Variants in TCF7L1 observed in about 807,000 individuals in gnomAD.
TCF7L1 encodes the protein transcription factor 7 like 1, also known as transcription factor 7-like 1.
Under a neutral mutation model 63.7 loss-of-function variants are expected in TCF7L1, and 18 were observed. The ratio of observed to expected loss-of-function variants is 0.28; its 90% CI spans 0.20 to 0.42. The LOEUF is 0.42. TCF7L1 is among the 10% of genes least tolerant of loss of function. The pLI, the probability that TCF7L1 is intolerant of heterozygous loss-of-function variation, is 1.00. For synonymous variants in TCF7L1, 355 were observed against 340.9 expected, an observed-to-expected ratio of 1.04 and a Z score of -0.46; for missense variants, 654 against 779.3, an observed-to-expected ratio of 0.84 and a Z score of 1.91.
chr2:85,295,520 A>C (rs1288148638), intron 4 of TCF7L1, among the ~76,000 whole-genome samples: 1 of 151,610 alleles, frequency 6.6e-6, no homozygotes, highest in Non-Finnish European at 1.5e-5. Flanking sequence ...TATTATTTTA[A>C]CTCCCAGAAA....
At chr2:85,170,821 G>A (rs1467857716) in intron 3 of TCF7L1, among the ~76,000 whole-genome samples, 1 of 152,120 alleles carries the variant, frequency 6.6e-6, no homozygotes, top group African/African-American at 2.4e-5. Context: ...GCCATTCCCC[G>A]ACTGGAACCA....
intron 3 of TCF7L1, among the ~76,000 whole-genome samples, chr2:85,249,946 T>C (rs956180270): frequency 2.0e-5 from 3 of 152,214 alleles, no homozygotes; most frequent in Admixed American, 1.3e-4. Flanking sequence ...GAGTTTGCAG[T>C]GTAAAGACAT....
chr2:85,241,019 G>A (rs1680308577), intron 3 of TCF7L1, among the ~76,000 whole-genome samples: 1 of 152,160 alleles, frequency 6.6e-6, no homozygotes, highest in Non-Finnish European at 1.5e-5. Context: ...AGGAAATGGA[G>A]AAAGGAAGGA....
intron 6 of TCF7L1, 68 bp from the exon 7 acceptor site, chr2:85,304,187 C>T: frequency 6.7e-7 from 1 of 1,499,380 alleles, no homozygotes; most frequent in East Asian, 2.3e-5. Context: ...ATCCCTTCTT[C>T]CCAAGTGCCT....
chr2:85,260,407 C>A (rs1019525853), intron 3 of TCF7L1, among the ~76,000 whole-genome samples: 1 of 151,676 alleles, frequency 6.6e-6, no homozygotes, highest in Non-Finnish European at 1.5e-5. Flanking sequence ...GAGGTTGAGG[C>A]GGGCAGATTG....
chr2:85,271,363 G>A (rs188579463), intron 3 of TCF7L1, among the ~76,000 whole-genome samples: 39 of 152,180 alleles, frequency 2.6e-4, no homozygotes, highest in African/African-American at 5.5e-4. Flanking sequence ...CTCCTGCCTC[G>A]GCCTCCGAAA....
At position 85,134,411 on chromosome 2, in the gene TCF7L1, C is replaced by T. The variant is rs1358249103; in HGVS notation, c.402C>T (p.Tyr134=). The change falls in exon 3 of 12, where the codon TAC becomes TAT. Residue 134 remains tyrosine, a synonymous_variant. Transcript: ENST00000282111. This position sits in a 1 kb window ranked among gnomAD's most constrained non-coding sequence, Gnocchi z 5.0. ...TGATCCCGGACCTGAGCAGCCCGTA[C>T]CTCTCCAACGGACCCCTGTCTCCCG... The part of the protein sequence containing the change: ...FLMIPDLSSP[Y]LSNGPLSPGG... 4 of 1,565,252 alleles carry T rather than the reference C, an allele frequency of 2.6e-6. No homozygotes were observed. In the Admixed American group the frequency reaches 7.5e-5, roughly 29 times the overall value.
chr2:85,249,465 TCTTTC>T (rs1558646027), intron 3 of TCF7L1, among the ~76,000 whole-genome samples: 1 of 152,226 alleles, frequency 6.6e-6, no homozygotes. Context: ...ATCCTGTGCC[TCTTTC>T]CTTTTTTTCC....
chr2:85,204,305 C>G (rs111644375), intron 3 of TCF7L1, among the ~76,000 whole-genome samples: 38 of 107,956 alleles, frequency 3.5e-4, no homozygotes, highest in Non-Finnish European at 5.9e-4. Flanking sequence ...CCCCCCCCCC[C>G]ACTTAATAGG....
intron 4 of TCF7L1, among the ~76,000 whole-genome samples, chr2:85,286,260 CAGG>C (rs1212116528): frequency 6.6e-6 from 1 of 150,772 alleles, no homozygotes; most frequent in African/African-American, 2.4e-5. Context: ...GAGGCTGAGG[CAGG>C]AGAATTGCTT....
At chr2:85,304,441 C>T (rs1682056991) in intron 7 of TCF7L1, 103 bp downstream of exon 7, 7 of 1,183,306 alleles carry the variant, frequency 5.9e-6, no homozygotes, top group Admixed American at 2.1e-5. Flanking sequence ...AGGCACAGGG[C>T]TCACCCTCCC....
intron 3 of TCF7L1, among the ~76,000 whole-genome samples, chr2:85,265,268 G>T (rs882883): frequency 0.46 from 69,386 of 151,078 alleles, 16,500 homozygotes; most frequent in Non-Finnish European, 0.53. Context: ...CACTCTGATC[G>T]CACATTAATA....
At chr2:85,280,915 C>G (rs1681398466) in intron 3 of TCF7L1, among the ~76,000 whole-genome samples, 1 of 151,864 alleles carries the variant, frequency 6.6e-6, no homozygotes, top group South Asian at 2.1e-4. Context: ...GTGACTTGGT[C>G]TTGTGCAAGG....
intron 3 of TCF7L1, among the ~76,000 whole-genome samples, chr2:85,209,428 T>G (rs1456614002): frequency 6.6e-6 from 1 of 152,222 alleles, no homozygotes; most frequent in Non-Finnish European, 1.5e-5. Flanking sequence ...TGCCAGTACT[T>G]GCTGGGAATC....
At chr2:85,144,799 C>T (rs968124969) in intron 3 of TCF7L1, among the ~76,000 whole-genome samples, 1 of 150,844 alleles carries the variant, frequency 6.6e-6, no homozygotes, top group African/African-American at 2.4e-5. Context: ...AATCATGAAA[C>T]TCCACCGGGC....
intron 3 of TCF7L1, among the ~76,000 whole-genome samples, chr2:85,267,330 CA>C (rs1217663362): frequency 0.026 from 1,164 of 44,206 alleles, 15 homozygotes; most frequent in African/African-American, 0.077. Context: ...GGCTCTGTCT[CA>C]AAAAAAAAAA....
chr2:85,253,300 G>A (rs997463726), intron 3 of TCF7L1, among the ~76,000 whole-genome samples: 11 of 147,542 alleles, frequency 7.5e-5, no homozygotes, highest in Non-Finnish European at 1.6e-4. Flanking sequence ...AGTCAGAAGT[G>A]TGATTGTCGT....
intron 3 of TCF7L1, among the ~76,000 whole-genome samples, chr2:85,135,744 G>A (rs754038855): frequency 2.6e-5 from 4 of 151,788 alleles, no homozygotes; most frequent in Non-Finnish European, 4.4e-5. Flanking sequence ...AGGGGAATGG[G>A]GAGTGGGACT....
chr2:85,134,301 C>T lies in TCF7L1; in HGVS notation c.314-22C>T. 1.3e-6 allele frequency: 2 copies of T among 1,570,424 alleles called. No individual in the cohort carries two copies. The highest frequency in any genetic ancestry group is 8.6e-7 in the Non-Finnish European group (1 of 1,157,406). On this transcript the variant is annotated intron_variant, in intron 2 of 11. Transcript: ENST00000282111. This position sits in a 1 kb window ranked among gnomAD's most constrained non-coding sequence, Gnocchi z 5.0. ...TCAGTCCCGGGGGCCTGGGCCTCAC[C>T]TCGCCTTGGTCTTGTTCGCAGTGAG...
Sources: gnomAD v4.1 joint callset for allele counts (sites outside exome capture counted in the v4.1 genomes callset) on GRCh38, gnomAD v4.1.1 for gene constraint, Gnocchi (gnomAD v3.1) non-coding constraint, MANE v1.5 for transcripts, NCBI Gene and HGNC (gene_info 2026-07-23, HGNC 2026-07-21) for gene names.